The following IMPG1 variants were observed in gnomAD, a reference collection of about 807,000 sequenced individuals.
IMPG1 encodes the protein interphotoreceptor matrix proteoglycan 1, also known as interphotoreceptor matrix proteoglycan of 150 kDa.
Under a neutral mutation model 92.0 loss-of-function variants are expected in IMPG1, and 85 were observed. The ratio of observed to expected loss-of-function variants is 0.92; its 90% CI spans 0.78 to 1.11. The LOEUF (loss-of-function observed/expected upper bound fraction) is 1.11. Ranked by LOEUF, IMPG1 falls within the 50% of genes least tolerant of loss-of-function variation. The pLI is 0.00. For synonymous variants in IMPG1, 367 were observed against 334.1 expected, an observed-to-expected ratio of 1.10 and a Z score of -1.08; for missense variants, 1,022 against 956.0, an observed-to-expected ratio of 1.07 and a Z score of -0.91.
intron 12 of IMPG1, among the ~76,000 whole-genome samples, chr6:75,972,685 A>C (rs756280540): frequency 6.6e-6 from 1 of 152,168 alleles, no homozygotes; most frequent in African/African-American, 2.4e-5. Flanking sequence ...TGTTTTTTAC[A>C]CTTCTGTTTT....
intron 1 of IMPG1, among the ~76,000 whole-genome samples, chr6:76,069,396 C>T (rs1784369896): frequency 6.6e-6 from 1 of 151,978 alleles, no homozygotes; most frequent in Non-Finnish European, 1.5e-5. Context: ...AAGTAAAATG[C>T]CTGTGCACAG....
chr6:75,964,748 C>G lies in IMPG1; in HGVS notation c.1292-13654G>C, dbSNP rs1302432684. ...AGAGAGAATTTGCATACTCATTACC[C>G]CTAATAACATCCTGCAAAACTATAG... On this transcript the variant is annotated intron_variant, in intron 12 of 16. Coordinates refer to ENST00000369950, the MANE Select transcript of IMPG1 (RefSeq NM_001563.4). Among the ~76,000 whole-genome samples the G allele has an allele frequency of 2.0e-5, 3 of 151,470 alleles. No individual in the cohort carries two copies. The East Asian group carries it at 5.8e-4, about 29-fold the overall frequency.
intron 1 of IMPG1, among the ~76,000 whole-genome samples, chr6:76,043,114 AAG>A (rs1783873150): frequency 6.6e-6 from 1 of 152,000 alleles, no homozygotes; most frequent in African/African-American, 2.4e-5. Context: ...GAGAGAAGGA[AAG>A]AGAGAGTGGC....
intron 10 of IMPG1, 40 bp downstream of exon 10, chr6:76,005,247 A>G: frequency 6.3e-7 from 1 of 1,597,276 alleles, no homozygotes; most frequent in East Asian, 2.2e-5. Flanking sequence ...GTCTCTGCCA[A>G]AATGAGAATA....
chr6:76,046,032 TCAA>T (rs1783935211), intron 1 of IMPG1, among the ~76,000 whole-genome samples: 1 of 151,948 alleles, frequency 6.6e-6, no homozygotes. Context: ...TTGGCTGCCA[TCAA>T]CAACTGTTTC....
chr6:75,942,058 G>A (rs560009721), intron 14 of IMPG1, among the ~76,000 whole-genome samples: 5 of 152,304 alleles, frequency 3.3e-5, no homozygotes, highest in East Asian at 3.9e-4. Flanking sequence ...AAGGTGGTCA[G>A]GGAAGGGTGA....
At chr6:76,059,763 C>T (rs892843892) in intron 1 of IMPG1, among the ~76,000 whole-genome samples, 4 of 152,092 alleles carry the variant, frequency 2.6e-5, no homozygotes, top group Non-Finnish European at 4.4e-5. Context: ...CATAAATGAA[C>T]GCAAATTAGT....
rs79166463 is a variant in IMPG1 at position 75,995,858 on chromosome 6, T to C, written c.1291+7060A>G. Among the ~76,000 whole-genome samples, 737 of 152,334 alleles carry C rather than the reference T, an allele frequency of 4.8e-3. 9 individuals carry two copies. Among genetic ancestry groups the C allele is most frequent in the Middle Eastern group, 3.4e-3 (1 of 294 alleles). On this transcript the variant is annotated intron_variant, in intron 12 of 16. Transcript: ENST00000369950. ...TACTGGTATCATCCCTGAAATAAAC[T>C]CCTTGTAATTGAATCCTTGTTTCGG...
intron 7 of IMPG1, among the ~76,000 whole-genome samples, chr6:76,016,777 T>C (rs889927843): frequency 5.3e-5 from 8 of 152,216 alleles, no homozygotes; most frequent in African/African-American, 1.4e-4. Context: ...GTTGCATTTA[T>C]ACAAACAATT....
Position 75,950,935 on chromosome 6 carries a change from C to T in IMPG1, c.1451G>A (p.Ser484Asn). 2 of 1,613,884 alleles carry T rather than the reference C, an allele frequency of 1.2e-6. No homozygotes were observed. The highest frequency in any genetic ancestry group is 1.7e-6 in the Non-Finnish European group (2 of 1,179,918). ...CAGTTGGCTGATTGCAGAATAATCA[C>T]TGGTGGGGATGGTGAGCCCTGGTAC... ...MLVPGLTIPT[S>N]DYSAISQLAL... The change falls in exon 13 of 17, where the codon AGT becomes AAT. Residue 484 changes from serine to asparagine, a missense_variant. Ser to Asn is a conservative substitution (Grantham distance 46, BLOSUM62 1). This residue lies in a region of IMPG1 where 681 missense variants were observed against 583.6 expected (regional missense o/e 1.17). Coordinates refer to ENST00000369950, the MANE Select transcript of IMPG1 (RefSeq NM_001563.4).
chr6:75,999,819 C>G (rs1782959023), intron 12 of IMPG1, among the ~76,000 whole-genome samples: 1 of 152,178 alleles, frequency 6.6e-6, no homozygotes, highest in East Asian at 1.9e-4. Flanking sequence ...ACTTATAGAG[C>G]ATTGACTGAA....
chr6:75,933,226 A>C (rs1051992098), intron 14 of IMPG1, among the ~76,000 whole-genome samples: 6 of 152,222 alleles, frequency 3.9e-5, no homozygotes, highest in African/African-American at 1.4e-4. Context: ...GTCTAGAAGA[A>C]TATTTTCAAG....
At chr6:75,957,774 C>T (rs1233366772) in intron 12 of IMPG1, among the ~76,000 whole-genome samples, 1 of 152,160 alleles carries the variant, frequency 6.6e-6, no homozygotes, top group Non-Finnish European at 1.5e-5. Flanking sequence ...ATTCCCCTAT[C>T]CCTTTATTTT....
chr6:76,039,025 C>T (rs1402159199), intron 2 of IMPG1, among the ~76,000 whole-genome samples: 1 of 152,206 alleles, frequency 6.6e-6, no homozygotes, highest in Non-Finnish European at 1.5e-5. Context: ...AGTTCTACCC[C>T]CGTTCTGCTG....
At chr6:76,055,642 A>G (rs1259433949) in intron 1 of IMPG1, among the ~76,000 whole-genome samples, 1 of 152,000 alleles carries the variant, frequency 6.6e-6, no homozygotes, top group Non-Finnish European at 1.5e-5. Context: ...GATAACAAAA[A>G]CAGGTAAACA....
At position 75,924,577 on chromosome 6, in the gene IMPG1, TTA is replaced by T. The variant is rs1562334800; in HGVS notation, c.2244-873_2244-872del. On this transcript the variant is annotated intron_variant, in intron 15 of 16. Coordinates refer to ENST00000369950, the MANE Select transcript of IMPG1 (RefSeq NM_001563.4). ...TAATATAATTATATATTATATATAATTAATATAATTATATATTATATATAATT... is the reference window on the plus strand; with the variant it reads ...TAATATAATTATATATTATATATAATATATAATTATATATTATATATAATT... Among the ~76,000 whole-genome samples the T allele has an allele frequency of 9.5e-4, 19 of 19,982 alleles. 2 individuals are homozygous for T. Among genetic ancestry groups the T allele is most frequent in the Non-Finnish European group, 1.4e-3 (14 of 9,710 alleles). The allele number at this position is 19,982 out of a possible 152,430, so 13.1% of individuals were successfully genotyped here.
At chr6:75,988,337 CATT>C (rs1010798552) in intron 12 of IMPG1, among the ~76,000 whole-genome samples, 2 of 152,176 alleles carry the variant, frequency 1.3e-5, no homozygotes, top group African/African-American at 4.8e-5. Context: ...GATGATATCT[CATT>C]GTTGCTTTGA....
chr6:75,979,290 T>C (rs867130006), intron 12 of IMPG1, among the ~76,000 whole-genome samples: 1 of 152,170 alleles, frequency 6.6e-6, no homozygotes, highest in African/African-American at 2.4e-5. Flanking sequence ...AATATACTCA[T>C]AGTCTCAAAA....
chr6:75,930,830 T>G, intron 15 of IMPG1, 123 bp downstream of exon 15: 1 of 860,862 alleles, frequency 1.2e-6, no homozygotes. Flanking sequence ...GGGTGATTTC[T>G]ACACTCACTA....
Sources: allele counts gnomAD v4.1 joint callset (sites outside exome capture counted in the v4.1 genomes callset), GRCh38; gene constraint gnomAD v4.1.1; regional missense constraint gnomAD v4.1.1; transcripts MANE v1.5; gene names NCBI Gene and HGNC (gene_info 2026-07-23, HGNC 2026-07-21).